The following KIF1A variants were observed in gnomAD, a reference collection of about 807,000 sequenced individuals.
KIF1A encodes the protein kinesin-like protein KIF1A.
A neutral mutation model predicts 227.3 loss-of-function variants in KIF1A; 46 were observed. That is an observed-to-expected ratio of 0.20 (90% CI 0.16 to 0.26). The LOEUF (loss-of-function observed/expected upper bound fraction) is 0.26, where lower values mean the gene tolerates loss of function less well. KIF1A is among the 10% of genes least tolerant of loss of function. KIF1A has a pLI of 1.00. For synonymous variants in KIF1A, 1,022 were observed against 1,012.8 expected, an observed-to-expected ratio of 1.01 and a Z score of -0.17; for missense variants, 1,683 against 2,485.9, an observed-to-expected ratio of 0.68 and a Z score of 6.87.
chr2:240,808,323 A>G (rs1273908416), intron 1 of KIF1A, among the ~76,000 whole-genome samples: 1 of 152,192 alleles, frequency 6.6e-6, no homozygotes, highest in Non-Finnish European at 1.5e-5. Flanking sequence ...ACATTCTTAT[A>G]TACCTGATAA....
chr2:240,812,653 A>AAGATCCGCCTTCACCTCG lies in KIF1A; in HGVS notation c.-61+7468_-61+7469insCGAGGTGAAGGCGGATCT, dbSNP rs2057963694. On this transcript the variant is annotated intron_variant, in intron 1 of 48. Transcript: ENST00000498729. ...TCACCTCTGGGTCCGCCTTCACCTC[A>AAGATCCGCCTTCACCTCG]AGATCCACCTTCACCTCAGGGATCA... Among the ~76,000 whole-genome samples, 5 of 142,990 alleles carry AAGATCCGCCTTCACCTCG rather than the reference A, an allele frequency of 3.5e-5. No homozygotes were observed. In the East Asian group the frequency reaches 6.5e-4, roughly 18 times the overall value. 93.8% of individuals were successfully genotyped at this position (142,990 alleles called of 152,430 possible).
intron 29 of KIF1A, 28 bp from the exon 30 acceptor site, chr2:240,746,205 A>G: frequency 6.5e-7 from 1 of 1,550,236 alleles, no homozygotes; most frequent in Non-Finnish European, 8.7e-7. Flanking sequence ...AGAGTCAGAG[A>G]GAGCCAGGAG....
At chr2:240,781,489 C>T (rs1490355963) in intron 10 of KIF1A, among the ~76,000 whole-genome samples, 1 of 81,422 alleles carries the variant, frequency 1.2e-5, no homozygotes, top group Non-Finnish European at 2.4e-5. Context: ...ACACACACAG[C>T]TCCACACACA....
At chr2:240,753,385 C>A (rs909429754) in intron 27 of KIF1A, among the ~76,000 whole-genome samples, 4 of 152,224 alleles carry the variant, frequency 2.6e-5, no homozygotes, top group Non-Finnish European at 5.9e-5. Flanking sequence ...CCCTGCTGAA[C>A]AAACGCTGTG....
chr2:240,731,493 A>T, intron 38 of KIF1A, among the ~76,000 whole-genome samples: 1 of 152,196 alleles, frequency 6.6e-6, no homozygotes, highest in East Asian at 1.9e-4. Context: ...GCCAGCTGGG[A>T]GACAACCAGC....
chr2:240,735,031 C>T (rs1559486498), intron 38 of KIF1A, among the ~76,000 whole-genome samples: 2 of 152,198 alleles, frequency 1.3e-5, no homozygotes, highest in African/African-American at 4.8e-5. Flanking sequence ...ACGCCAGCAC[C>T]GTCCATGGCA....
At chr2:240,765,891 C>T in intron 19 of KIF1A, 98 bp from the exon 20 acceptor site, 2 of 800,860 alleles carry the variant, frequency 2.5e-6, no homozygotes, top group Non-Finnish European at 2.1e-6. Context: ...CTCTTCCAAG[C>T]CTCTCGCCTC....
intron 16 of KIF1A, 94 bp downstream of exon 16, chr2:240,769,533 G>A: frequency 9.5e-7 from 1 of 1,048,336 alleles, no homozygotes; most frequent in Non-Finnish European, 1.4e-6. Context: ...CAGGTGCCCA[G>A]CACTGGAGGG....
chr2:240,803,244 A>C (rs924416194), intron 1 of KIF1A, among the ~76,000 whole-genome samples: 17 of 152,344 alleles, frequency 1.1e-4, no homozygotes, highest in Middle Eastern at 3.4e-3. Flanking sequence ...GGTCCTGCGG[A>C]AGGTAGCTAA....
chr2:240,737,692 T>C (rs967676381), intron 37 of KIF1A: 1 of 154,254 alleles, frequency 6.5e-6, no homozygotes, highest in South Asian at 2.0e-4. Flanking sequence ...GCCCGCTAAG[T>C]TGCATGCACT....
intron 2 of KIF1A, among the ~76,000 whole-genome samples, chr2:240,795,927 G>A (rs555310655): frequency 6.6e-6 from 1 of 152,318 alleles, no homozygotes; most frequent in East Asian, 1.9e-4. Context: ...GACGGGTCTG[G>A]TTCTTGTCAC....
intron 10 of KIF1A, among the ~76,000 whole-genome samples, chr2:240,777,293 C>G (rs570630926): frequency 5.9e-5 from 9 of 152,308 alleles, no homozygotes; most frequent in African/African-American, 2.2e-4. Flanking sequence ...ATCCACCCAC[C>G]TCGGGCTCCC....
rs767321451 is a variant in KIF1A at position 240,775,238 on chromosome 2, C to A, written c.958+613G>T. ...CAGGGCTCTGCACACCTCAGCCATGCGGCTGAGGGAGGCCAGGGACCCCCA... is the reference window on the plus strand; with the variant it reads ...CAGGGCTCTGCACACCTCAGCCATGAGGCTGAGGGAGGCCAGGGACCCCCA... On this transcript the variant is annotated intron_variant, in intron 11 of 48. Transcript: ENST00000498729. The surrounding 1 kb of genome is among the most constrained non-coding windows in gnomAD (Gnocchi z 5.5). Among the ~76,000 whole-genome samples, 1 of 152,166 alleles carries A rather than the reference C, an allele frequency of 6.6e-6. No individual in the cohort carries two copies. The highest frequency in any genetic ancestry group is 1.5e-5 in the Non-Finnish European group (1 of 68,026).
At chr2:240,729,311 A>T (rs1025949849) in intron 38 of KIF1A, among the ~76,000 whole-genome samples, 4 of 147,988 alleles carry the variant, frequency 2.7e-5, no homozygotes, top group South Asian at 2.1e-4. Context: ...CTTCTCTTCC[A>T]TCTCCGTGTG....
intron 2 of KIF1A, among the ~76,000 whole-genome samples, chr2:240,795,056 T>C (rs978104085): frequency 6.6e-6 from 1 of 152,196 alleles, no homozygotes; most frequent in Non-Finnish European, 1.5e-5. Context: ...TTTAATTTAG[T>C]TTGGTGATCC....
intron 20 of KIF1A, 119 bp downstream of exon 20, chr2:240,765,591 C>T (rs764871802): frequency 6.5e-6 from 5 of 766,140 alleles, no homozygotes; most frequent in South Asian, 1.6e-5. Flanking sequence ...ACCTGCCCAG[C>T]GGCCCTTAAG....
intron 1 of KIF1A, among the ~76,000 whole-genome samples, chr2:240,817,057 G>C (rs890822262): frequency 6.6e-6 from 1 of 152,238 alleles, no homozygotes; most frequent in Non-Finnish European, 1.5e-5. Flanking sequence ...TGGGGCCACT[G>C]TGCCCCTGCC....
chr2:240,782,156 C>G, intron 10 of KIF1A: 1 of 985,266 alleles, frequency 1.0e-6, no homozygotes, highest in Non-Finnish European at 1.2e-6. Flanking sequence ...GCGGCACCTC[C>G]GACTCCACAC....
chr2:240,733,125 C>T (rs958798906), intron 38 of KIF1A, among the ~76,000 whole-genome samples: 7 of 151,942 alleles, frequency 4.6e-5, no homozygotes, highest in Non-Finnish European at 8.8e-5. Context: ...TTTAATCCCA[C>T]AGGATGTGGC....
Sources: gnomAD v4.1 joint callset for allele counts (sites outside exome capture counted in the v4.1 genomes callset) on GRCh38, gnomAD v4.1.1 for gene constraint, Gnocchi (gnomAD v3.1) non-coding constraint, MANE v1.5 for transcripts, NCBI Gene and HGNC (gene_info 2026-07-23, HGNC 2026-07-21) for gene names.